IFT80: variants seen among roughly 807,000 people sequenced by gnomAD.
IFT80 encodes the protein intraflagellar transport protein 80 homolog.
Under a neutral mutation model 107.9 loss-of-function variants are expected in IFT80, and 79 were observed. That is an observed-to-expected ratio of 0.73 (90% CI 0.61 to 0.88). The LOEUF (loss-of-function observed/expected upper bound fraction) is 0.88. IFT80 is among the 40% of genes least tolerant of loss of function. The probability of loss-of-function intolerance (pLI) is 0.00; values close to 1 mark genes in which losing one functional copy is unlikely to be tolerated. For synonymous variants in IFT80, 299 were observed against 300.9 expected (o/e 0.99, Z 0.07); for missense variants, 797 against 914.2 (o/e 0.87, Z 1.65).
chr3:160,381,803 G>T (rs1225487263), intron 2 of IFT80, 79 bp from the exon 3 acceptor site: 5 of 1,172,718 alleles, frequency 4.3e-6, no homozygotes, highest in Admixed American at 1.7e-5. Flanking sequence ...AGATTATAAG[G>T]TATAAGTAAA....
intron 11 of IFT80, among the ~76,000 whole-genome samples, chr3:160,303,148 A>G (rs1716566088): frequency 6.6e-6 from 1 of 152,206 alleles, no homozygotes; most frequent in African/African-American, 2.4e-5. Flanking sequence ...AATAAAGCAC[A>G]TGGTTTTGGT....
At chr3:160,280,550 C>G (rs892785807) in intron 15 of IFT80, 117 bp downstream of exon 15, 18 of 813,260 alleles carry the variant, frequency 2.2e-5, no homozygotes, top group Middle Eastern at 3.4e-4. Context: ...ATTTATTCAT[C>G]AATAAATCTG....
intron 9 of IFT80, among the ~76,000 whole-genome samples, chr3:160,315,211 A>G (rs1023391199): frequency 6.6e-6 from 1 of 152,196 alleles, no homozygotes; most frequent in Admixed American, 6.5e-5. Flanking sequence ...ATAGTCAACT[A>G]TGTATTCCCC....
intron 18 of IFT80, among the ~76,000 whole-genome samples, chr3:160,269,248 T>A (rs1214072579): frequency 1.3e-5 from 2 of 151,824 alleles, no homozygotes; most frequent in Non-Finnish European, 2.9e-5. Context: ...AAGAAAATAT[T>A]TTTGAAATCA....
intron 4 of IFT80, among the ~76,000 whole-genome samples, 157 bp from the exon 5 acceptor site, chr3:160,376,037 A>G (rs939576224): frequency 1.3e-5 from 2 of 152,224 alleles, no homozygotes; most frequent in Non-Finnish European, 2.9e-5. Context: ...TAAAATTCAG[A>G]AACAGTTTAA....
chr3:160,307,870 A>T, intron 9 of IFT80, 89 bp from the exon 10 acceptor site: 1 of 736,662 alleles, frequency 1.4e-6, no homozygotes. Context: ...AACACAAAAA[A>T]TTAAATGCAC....
chr3:160,325,318 G>A (rs1321802869), intron 8 of IFT80, among the ~76,000 whole-genome samples: 1 of 152,070 alleles, frequency 6.6e-6, no homozygotes, highest in Admixed American at 6.6e-5. Context: ...AGCCCGCATC[G>A]CTAAGTCAAT....
intron 13 of IFT80, 121 bp downstream of exon 13, chr3:160,285,683 C>T: frequency 1.4e-6 from 1 of 694,362 alleles, no homozygotes; most frequent in Non-Finnish European, 2.5e-6. Flanking sequence ...ATGGAGAATG[C>T]ACATTGATTT....
chr3:160,398,672 G>A (rs1283060281), intron 1 of IFT80, among the ~76,000 whole-genome samples: 2 of 152,132 alleles, frequency 1.3e-5, no homozygotes, highest in Non-Finnish European at 2.9e-5. Flanking sequence ...CTAAAACTAA[G>A]TTCTCGGGGA....
intron 8 of IFT80, among the ~76,000 whole-genome samples, chr3:160,330,610 G>A (rs993712908): frequency 1.9e-4 from 29 of 152,170 alleles, no homozygotes; most frequent in Non-Finnish European, 2.8e-4. Flanking sequence ...TCCTGGGCCC[G>A]ACCCCAGAGT....
rs530043271 is a variant in IFT80 at position 160,358,996 on chromosome 3, C to T, written c.550-1418G>A. ...AATTTCCTCACTATAAGACCAAGTT[C>T]GAAGTGTTGAGAAGGCCTTAAAAGA... On this transcript the variant is annotated intron_variant, in intron 6 of 19. Transcript: ENST00000326448. Among the ~76,000 whole-genome samples the T allele has an allele frequency of 1.4e-4, 22 of 152,192 alleles. No individual in the cohort carries two copies. The South Asian group carries it at 3.5e-3, about 24-fold the overall frequency.
chr3:160,355,407 C>G (rs1720997019), intron 8 of IFT80, among the ~76,000 whole-genome samples: 1 of 152,010 alleles, frequency 6.6e-6, no homozygotes, highest in Admixed American at 6.6e-5. Flanking sequence ...CACCATCATG[C>G]CTGGCAAATT....
intron 13 of IFT80, among the ~76,000 whole-genome samples, 191 bp downstream of exon 13, chr3:160,285,613 C>T (rs1715032258): frequency 6.6e-6 from 1 of 152,060 alleles, no homozygotes; most frequent in African/African-American, 2.4e-5. Context: ...GTATAGCTTC[C>T]TATCACAAAC....
intron 5 of IFT80, among the ~76,000 whole-genome samples, chr3:160,367,228 G>T (rs1156702065): frequency 6.6e-6 from 1 of 151,980 alleles, no homozygotes; most frequent in African/African-American, 2.4e-5. Flanking sequence ...GAACAGAGTT[G>T]CAACAAACAC....
At chr3:160,346,720 A>G (rs573251793) in intron 8 of IFT80, among the ~76,000 whole-genome samples, 2 of 151,944 alleles carry the variant, frequency 1.3e-5, no homozygotes, top group East Asian at 3.9e-4. Flanking sequence ...CTCAGTGGTC[A>G]GCCAGACAGA....
chr3:160,339,417 T>A (rs1719726352), intron 8 of IFT80, among the ~76,000 whole-genome samples: 1 of 152,200 alleles, frequency 6.6e-6, no homozygotes, highest in South Asian at 2.1e-4. Flanking sequence ...TGGGTATTAT[T>A]TTTTCTAGCT....
intron 8 of IFT80, among the ~76,000 whole-genome samples, chr3:160,346,582 A>C (rs1430559189): frequency 6.6e-6 from 1 of 152,140 alleles, no homozygotes; most frequent in Non-Finnish European, 1.5e-5. Context: ...GGAAATCAGA[A>C]TCTCTCTCCA....
chr3:160,394,592 A>G (rs967954724), intron 1 of IFT80, among the ~76,000 whole-genome samples: 1 of 152,108 alleles, frequency 6.6e-6, no homozygotes, highest in African/African-American at 2.4e-5. Flanking sequence ...CTATACTTAT[A>G]ATGAAAATTA....
intron 12 of IFT80, among the ~76,000 whole-genome samples, chr3:160,293,614 C>G (rs147016901): frequency 3.3e-4 from 50 of 152,196 alleles, no homozygotes; most frequent in African/African-American, 1.2e-3. Flanking sequence ...GTCCTGGGCT[C>G]CTGGCAGGTA....
Sources: gnomAD v4.1 joint callset for allele counts (sites outside exome capture counted in the v4.1 genomes callset) on GRCh38, gnomAD v4.1.1 for gene constraint, MANE v1.5 for transcripts, NCBI Gene and HGNC (gene_info 2026-07-23, HGNC 2026-07-21) for gene names.